DOCK10: variants seen among roughly 807,000 people sequenced by gnomAD.
The protein encoded by DOCK10 is dedicator of cytokinesis 10, also known as dedicator of cytokinesis protein 10.
DOCK10 carries 145 observed loss-of-function variants against 280.1 expected under a neutral mutation model. The observed-to-expected ratio is 0.52, with a 90% CI of 0.45 to 0.59. The LOEUF (loss-of-function observed/expected upper bound fraction) is 0.59. Ranked by LOEUF, DOCK10 falls within the 20% of genes least tolerant of loss-of-function variation. The pLI is 0.00. For synonymous variants in DOCK10, 915 were observed against 942.2 expected (o/e 0.97, Z 0.53); for missense variants, 2,368 against 2,651.7 (o/e 0.89, Z 2.35).
chr2:225,035,544 ATATATATATATATATATATAT>A, intron 1 of DOCK10, among the ~76,000 whole-genome samples: 1 of 7,612 alleles, frequency 1.3e-4, no homozygotes, highest in African/African-American at 4.8e-4. Context: ...GATATATATT[ATATATATATATATATATATAT>A]ATATATATAT....
intron 50 of DOCK10, among the ~76,000 whole-genome samples, chr2:224,783,688 G>T (rs1176396894): frequency 6.6e-6 from 1 of 151,954 alleles, no homozygotes; most frequent in Non-Finnish European, 1.5e-5. Flanking sequence ...TAGGTCATTT[G>T]CAAGGGCTCC....
intron 1 of DOCK10, among the ~76,000 whole-genome samples, chr2:224,975,615 G>A (rs1401999391): frequency 6.6e-6 from 1 of 152,180 alleles, no homozygotes; most frequent in Non-Finnish European, 1.5e-5. Flanking sequence ...TAAGAAGAGA[G>A]TCAATTTATT....
chr2:224,790,361 C>T (rs1692090023), intron 47 of DOCK10, among the ~76,000 whole-genome samples: 1 of 152,128 alleles, frequency 6.6e-6, no homozygotes, highest in Admixed American at 6.5e-5. Flanking sequence ...TTTTTCTCAC[C>T]CATAAACAGG....
intron 31 of DOCK10, among the ~76,000 whole-genome samples, chr2:224,809,525 G>T (rs1441873377): frequency 2.0e-5 from 3 of 151,848 alleles, no homozygotes; most frequent in Non-Finnish European, 4.4e-5. Flanking sequence ...AAAACAACCC[G>T]CCAAGTTTTA....
In DOCK10 at chr2:224,800,248, A is replaced by G; in HGVS notation, c.4409T>C (p.Ile1470Thr). 1 of 1,609,252 alleles carries G rather than the reference A, an allele frequency of 6.2e-7. No homozygotes were observed. The highest frequency in any genetic ancestry group is 1.3e-5 in the African/African-American group (1 of 74,942). Reference sequence around the variant, plus strand: ...AGTGTCTACATGATGCACGATGTCTATTTCATTGGAGTTGCCTATAAAATA... The same window carrying G: ...AGTGTCTACATGATGCACGATGTCTGTTTCATTGGAGTTGCCTATAAAATA... The part of the protein sequence containing the change: ...DNTMTSNSNE[I>T]DIVHHVDTEA... The change falls in exon 41 of 56, where the codon ATA becomes ACA. Residue 1470 changes from isoleucine to threonine, a missense_variant. Physicochemically the swap from Ile to Thr is moderately conservative, Grantham distance 89. This residue lies in a region of DOCK10 where 1,159 missense variants were observed against 1,400.8 expected (regional missense o/e 0.83). Transcript: ENST00000258390.
intron 1 of DOCK10, among the ~76,000 whole-genome samples, chr2:224,968,501 TTGAG>T (rs1704902809): frequency 1.3e-5 from 2 of 152,216 alleles, no homozygotes; most frequent in South Asian, 2.1e-4. Context: ...CCACTTGGTA[TTGAG>T]TATTTGGGAT....
chr2:224,774,889 G>C lies in DOCK10; in HGVS notation c.6013+16C>G. The C allele has an allele frequency of 6.4e-7, 1 of 1,570,302 alleles. No individual in the cohort carries two copies. Among genetic ancestry groups the C allele is most frequent in the Non-Finnish European group, 8.6e-7 (1 of 1,157,064 alleles). ...GGAACAGGTGCCACATGTGTGGCCC[G>C]GCTACCTGCACCTACTTGTCAGGAT... On this transcript the variant is annotated intron_variant, in intron 52 of 55. Transcript: ENST00000258390.
chr2:224,978,579 C>A (rs528606281), intron 1 of DOCK10, among the ~76,000 whole-genome samples: 2 of 152,228 alleles, frequency 1.3e-5, no homozygotes, highest in Non-Finnish European at 2.9e-5. Context: ...AGTAAATAAA[C>A]AATTATACAT....
chr2:225,032,760 G>T (rs1690116672), intron 1 of DOCK10, among the ~76,000 whole-genome samples: 1 of 152,106 alleles, frequency 6.6e-6, no homozygotes, highest in Non-Finnish European at 1.5e-5. Context: ...GAGTATTTGA[G>T]AATAATTTAA....
chr2:224,887,366 G>A (rs1049412206), intron 4 of DOCK10, among the ~76,000 whole-genome samples: 1 of 151,978 alleles, frequency 6.6e-6, no homozygotes, highest in African/African-American at 2.4e-5. Flanking sequence ...TGCACCAAAG[G>A]GACTGGTAGC....
chr2:225,036,348 A>T (rs1316694372), intron 1 of DOCK10, among the ~76,000 whole-genome samples: 1 of 152,250 alleles, frequency 6.6e-6, no homozygotes, highest in Non-Finnish European at 1.5e-5. Flanking sequence ...TTCGTTTCTA[A>T]GTGGTCTAAA....
At chr2:224,888,042 C>T (rs186231670) in intron 4 of DOCK10, among the ~76,000 whole-genome samples, 46 of 152,220 alleles carry the variant, frequency 3.0e-4, no homozygotes, top group Non-Finnish European at 5.4e-4. Context: ...TAGCATATGA[C>T]CCAGCAATTC....
chr2:224,896,254 T>C, intron 4 of DOCK10, 41 bp downstream of exon 4: 1 of 1,172,442 alleles, frequency 8.5e-7, no homozygotes. Context: ...ATGTCATCTA[T>C]ATTTGGAAAA....
At chr2:224,897,705 T>C (rs142534757) in intron 3 of DOCK10, among the ~76,000 whole-genome samples, 47 of 152,360 alleles carry the variant, frequency 3.1e-4, no homozygotes, top group African/African-American at 1.1e-3. Flanking sequence ...AGTTTATTCA[T>C]AGATTTTATA....
chr2:224,933,158 G>A (rs1702493542), intron 1 of DOCK10, among the ~76,000 whole-genome samples: 1 of 152,192 alleles, frequency 6.6e-6, no homozygotes, highest in Non-Finnish European at 1.5e-5. Flanking sequence ...GTGAGACATT[G>A]AGTATTTTGA....
intron 1 of DOCK10, among the ~76,000 whole-genome samples, chr2:225,040,513 C>CGTGTGTGTGTGTGT (rs34574873): frequency 9.5e-5 from 14 of 147,476 alleles, no homozygotes; most frequent in African/African-American, 3.3e-4. Context: ...GAAAGCAGTG[C>CGTGTGTGTGTGTGT]GTGTGTGTGT....
intron 4 of DOCK10, among the ~76,000 whole-genome samples, chr2:224,893,876 C>T (rs561962423): frequency 1.3e-5 from 2 of 152,234 alleles, no homozygotes; most frequent in Non-Finnish European, 2.9e-5. Flanking sequence ...CCTCGGAAGA[C>T]CCAAGTAAAT....
At chr2:224,993,174 A>T (rs983141673) in intron 1 of DOCK10, among the ~76,000 whole-genome samples, 5 of 151,424 alleles carry the variant, frequency 3.3e-5, no homozygotes, top group African/African-American at 9.7e-5. Flanking sequence ...AGGAATACTA[A>T]GAAGACTCAG....
chr2:225,009,151 C>G (rs534520475), intron 1 of DOCK10, among the ~76,000 whole-genome samples: 1 of 152,254 alleles, frequency 6.6e-6, no homozygotes, highest in South Asian at 2.1e-4. Context: ...CTTGAAAAAC[C>G]AGGGTCGACG....
Sources: gnomAD v4.1 joint callset for allele counts (sites outside exome capture counted in the v4.1 genomes callset) on GRCh38, gnomAD v4.1.1 for gene constraint, gnomAD v4.1.1 regional missense constraint, MANE v1.5 for transcripts, NCBI Gene and HGNC (gene_info 2026-07-23, HGNC 2026-07-21) for gene names.